The following SCTR variants were observed in gnomAD, a reference collection of about 807,000 sequenced individuals.
SCTR encodes secretin receptor.
Under a neutral mutation model 60.8 loss-of-function variants are expected in SCTR, and 56 were observed. The ratio of observed to expected loss-of-function variants is 0.92; its 90% confidence interval spans 0.74 to 1.15. The LOEUF (loss-of-function observed/expected upper bound fraction) is 1.15, where lower values mean the gene tolerates loss of function less well. Ranked by LOEUF, SCTR falls within the 50% of genes most tolerant of loss-of-function variation. The probability of loss-of-function intolerance (pLI) is 0.00; values close to 1 mark genes in which losing one functional copy is unlikely to be tolerated. For synonymous variants in SCTR, 202 were observed against 217.0 expected (o/e 0.93, Z 0.61); for missense variants, 562 against 550.4 (o/e 1.02, Z -0.21).
intron 7 of SCTR, among the ~76,000 whole-genome samples, chr2:119,459,673 T>A (rs994734549): frequency 6.6e-5 from 10 of 152,054 alleles, no homozygotes; most frequent in Admixed American, 1.3e-4. Flanking sequence ...AGCACAGGGC[T>A]GGCGTACAGT....
At chr2:119,484,573 T>C (rs952234408) in intron 2 of SCTR, 31 of 152,290 alleles carry the variant, frequency 2.0e-4, no homozygotes, top group African/African-American at 7.5e-4. Context: ...ATGGGCACAG[T>C]AATATTTCCC....
At chr2:119,473,423 G>C (rs767217992) in intron 4 of SCTR, 30 bp downstream of exon 4, 8 of 1,512,686 alleles carry the variant, frequency 5.3e-6, no homozygotes, top group Non-Finnish European at 7.4e-6. Flanking sequence ...CCTGTCCCCG[G>C]GTTCGTGGGG....
chr2:119,516,506 T>G (rs1679120838), intron 1 of SCTR, among the ~76,000 whole-genome samples: 1 of 151,648 alleles, frequency 6.6e-6, no homozygotes, highest in Admixed American at 6.6e-5. Flanking sequence ...TGTGGAATAT[T>G]ACAAAGTTGA....
chr2:119,514,747 G>A (rs555535747), intron 1 of SCTR, among the ~76,000 whole-genome samples: 34 of 152,150 alleles, frequency 2.2e-4, no homozygotes, highest in African/African-American at 6.3e-4. Flanking sequence ...GCGTGGTGGC[G>A]CATGCCTGTA....
chr2:119,440,292 A>G, intron 12 of SCTR, 35 bp from the exon 13 acceptor site: 1 of 1,596,442 alleles, frequency 6.3e-7, no homozygotes, highest in East Asian at 2.2e-5. Flanking sequence ...CCAGGAGGAG[A>G]GGACAGTTCT....
intron 2 of SCTR, among the ~76,000 whole-genome samples, chr2:119,489,447 C>T (rs1678030084): frequency 6.6e-6 from 1 of 152,198 alleles, no homozygotes; most frequent in South Asian, 2.1e-4. Context: ...GTCTGGCAAG[C>T]CCTGTGTCAA....
chr2:119,471,405 T>G (rs910775306), intron 4 of SCTR, among the ~76,000 whole-genome samples: 7 of 152,042 alleles, frequency 4.6e-5, no homozygotes, highest in African/African-American at 1.4e-4. Flanking sequence ...TTGTCGAATC[T>G]CCTTATTAAA....
At chr2:119,482,070 A>G (rs963647342) in intron 2 of SCTR, among the ~76,000 whole-genome samples, 1 of 152,210 alleles carries the variant, frequency 6.6e-6, no homozygotes, top group African/African-American at 2.4e-5. Context: ...CAGCCAGGAC[A>G]TGGAGGGGAT....
rs537810583 is a variant in SCTR at position 119,505,826 on chromosome 2, T to C, written c.73-11278A>G. ...ACATATGTAACTAACCTGCATGTTG[T>C]GCACACGTACCCTAAAACTTAAAGT... On this transcript the variant is annotated intron_variant, in intron 1 of 12. Transcript: ENST00000019103. 2.0e-5 allele frequency among the ~76,000 whole-genome samples: 3 copies of C among 152,170 alleles called. No homozygotes were observed. The South Asian group carries it at 6.2e-4, about 32-fold the overall frequency.
chr2:119,500,992 C>A (rs1430404253), intron 1 of SCTR, among the ~76,000 whole-genome samples: 1 of 151,888 alleles, frequency 6.6e-6, no homozygotes, highest in Non-Finnish European at 1.5e-5. Flanking sequence ...CATGAACCCC[C>A]AAAATATATA....
At chr2:119,465,167 G>A (rs115934596) in intron 5 of SCTR, among the ~76,000 whole-genome samples, 1,588 of 152,260 alleles carry the variant, frequency 0.01, 28 homozygotes, top group African/African-American at 0.037. Context: ...ACCTAAGCCC[G>A]GCCTATGAGA....
chr2:119,491,683 G>A (rs1678138684), intron 2 of SCTR, among the ~76,000 whole-genome samples: 1 of 152,036 alleles, frequency 6.6e-6, no homozygotes. Flanking sequence ...GGCTAATTTT[G>A]TATTTTTAGT....
chr2:119,455,927 G>A (rs1683357722), intron 7 of SCTR, among the ~76,000 whole-genome samples: 2 of 152,072 alleles, frequency 1.3e-5, no homozygotes, highest in Admixed American at 6.5e-5. Context: ...TGACATTTCA[G>A]AACACAGAGA....
At chr2:119,520,034 T>C (rs553884098) in intron 1 of SCTR, among the ~76,000 whole-genome samples, 1 of 152,204 alleles carries the variant, frequency 6.6e-6, no homozygotes, top group South Asian at 2.1e-4. Context: ...CAGCAGAGTG[T>C]CTGGTAGAAA....
At position 119,471,217 on chromosome 2, in the gene SCTR, G is replaced by A. The variant is rs1413455716; in HGVS notation, c.405+2236C>T. 3.3e-5 allele frequency among the ~76,000 whole-genome samples: 5 copies of A among 152,142 alleles called. No homozygotes were observed. The East Asian group carries it at 9.6e-4, about 29-fold the overall frequency. ...AAATGTGTGTTATTTGCAGTACAAA[G>A]CCTTCTTATGAACCTCATCCGGCCA... is the stretch of plus-strand genomic sequence containing the variant. On this transcript the variant is annotated intron_variant, in intron 4 of 12. Transcript: ENST00000019103.
intron 1 of SCTR, 69 bp downstream of exon 1, chr2:119,524,086 C>T (rs1191695304): frequency 1.6e-6 from 2 of 1,285,432 alleles, no homozygotes; most frequent in African/African-American, 1.5e-5. Context: ...GCATCCTGCC[C>T]GAGGCCGGAG....
At chr2:119,478,749 A>G in intron 3 of SCTR, 62 bp downstream of exon 3, 1 of 1,530,966 alleles carries the variant, frequency 6.5e-7, no homozygotes, top group Non-Finnish European at 9.0e-7. Flanking sequence ...CTCTAAGCTG[A>G]GGCCCCACCC....
intron 7 of SCTR, among the ~76,000 whole-genome samples, chr2:119,460,880 C>T (rs1319952189): frequency 6.6e-6 from 1 of 152,158 alleles, no homozygotes; most frequent in Non-Finnish European, 1.5e-5. Flanking sequence ...GCCTCTGTGA[C>T]TAGTTCAAGG....
intron 5 of SCTR, 139 bp from the exon 6 acceptor site, chr2:119,464,394 A>C: frequency 1.3e-6 from 1 of 776,506 alleles, no homozygotes; most frequent in East Asian, 2.7e-5. Context: ...CTGTGAGCAT[A>C]ACCTGAATGA....
Sources: gnomAD v4.1 joint callset for allele counts (sites outside exome capture counted in the v4.1 genomes callset) on GRCh38, gnomAD v4.1.1 for gene constraint, MANE v1.5 for transcripts, NCBI Gene and HGNC (gene_info 2026-07-23, HGNC 2026-07-21) for gene names.